TAF10: variants seen among roughly 807,000 people sequenced by gnomAD.
TAF10 encodes the protein transcription initiation factor TFIID subunit 10.
Under a neutral mutation model 18.1 loss-of-function variants are expected in TAF10, and 2 were observed. That is an observed-to-expected ratio of 0.11 (90% CI 0.05 to 0.35). The LOEUF (loss-of-function observed/expected upper bound fraction) is 0.35, where lower values mean the gene tolerates loss of function less well. TAF10 is among the 10% of genes least tolerant of loss of function. The pLI is 1.00. For synonymous variants in TAF10, 158 were observed against 134.6 expected (o/e 1.17, Z -1.20); for missense variants, 293 against 306.9 (o/e 0.95, Z 0.34).
Position 6,609,256 on chromosome 11 carries a change from G to A in TAF10, c.*1666C>T. ...TCCTCCAGTTAGTGGGCAAGGAAGTGGCAGCAACATTTCAAGCCTCCTAAC... is the reference window on the plus strand; with the variant it reads ...TCCTCCAGTTAGTGGGCAAGGAAGTAGCAGCAACATTTCAAGCCTCCTAAC... On this transcript the variant is annotated 3_prime_UTR_variant, in exon 5 of 5. Transcript: ENST00000299424. 4 of 1,603,744 alleles carry A rather than the reference G, an allele frequency of 2.5e-6. No individual in the cohort carries two copies. The highest frequency in any genetic ancestry group is 3.4e-6 in the Non-Finnish European group (4 of 1,170,648).
chr11:6,609,915 T>C lies in TAF10; in HGVS notation c.*1007A>G. 4 of 1,614,122 alleles carry C rather than the reference T, an allele frequency of 2.5e-6. No individual in the cohort carries two copies. Among genetic ancestry groups the C allele is most frequent in the Non-Finnish European group, 3.4e-6 (4 of 1,179,986 alleles). On this transcript the variant is annotated 3_prime_UTR_variant, in exon 5 of 5. Transcript: ENST00000299424. Reference sequence around the variant, plus strand: ...TGCCTATCTATGACTTACCTCCTTCTATCTGTTTTCTCTTCCTCAGATTGA... The same window carrying C: ...TGCCTATCTATGACTTACCTCCTTCCATCTGTTTTCTCTTCCTCAGATTGA...
Position 6,610,076 on chromosome 11 carries a change from C to T in TAF10, c.*846G>A, listed in dbSNP as rs1342224931. The T allele has an allele frequency of 1.9e-6, 3 of 1,613,782 alleles. No individual in the cohort carries two copies. Among genetic ancestry groups the T allele is most frequent in the Non-Finnish European group, 2.5e-6 (3 of 1,179,858 alleles). ...ATGTCGGGAGGTAAAAAAGGACCAC[C>T]TCAGAAGTAGTGGAAGGGGGCAGAG... On this transcript the variant is annotated 3_prime_UTR_variant, in exon 5 of 5. Coordinates refer to ENST00000299424, the MANE Select transcript of TAF10 (RefSeq NM_006284.4).
rs750249778 is a variant in TAF10, at chr11:6,609,930, C to T, written c.*992G>A. On this transcript the variant is annotated 3_prime_UTR_variant, in exon 5 of 5. Coordinates refer to ENST00000299424, the MANE Select transcript of TAF10 (RefSeq NM_006284.4). ...TACCTCCTTCTATCTGTTTTCTCTT[C>T]CTCAGATTGATGAGGACATGACTGC... is the stretch of plus-strand genomic sequence containing the variant. The T allele has an allele frequency of 7.4e-6, 12 of 1,614,140 alleles. No individual in the cohort carries two copies. In the Middle Eastern group the frequency reaches 8.2e-4, roughly 111 times the overall value.
In TAF10 at chr11:6,611,062, A is replaced by G. The variant is rs1445028643; in HGVS notation, c.568-51T>C. Reference sequence around the variant, plus strand: ...CTGAGCACAGGAATCCCGGACTTCAATCCCAGATGGGTGACCCTGAGTAAG... The same window carrying G: ...CTGAGCACAGGAATCCCGGACTTCAGTCCCAGATGGGTGACCCTGAGTAAG... On this transcript the variant is annotated intron_variant, in intron 4 of 4. Transcript: ENST00000299424. The G allele has an allele frequency of 3.7e-6, 6 of 1,605,458 alleles. No homozygotes were observed. In the East Asian group the frequency reaches 6.7e-5, roughly 18 times the overall value.
At chr11:6,611,330 G>A (rs1855453846) in intron 3 of TAF10, 27 bp from the exon 4 acceptor site, 1 of 1,614,036 alleles carries the variant, frequency 6.2e-7, no homozygotes, top group Non-Finnish European at 8.5e-7. Context: ...TAGATGAGAA[G>A]GAGATGGACA....
rs763356453 is a variant in TAF10, at chr11:6,609,822, G to A, written c.*1100C>T. ...ACTAGAGCCCCTCATCCCACGACAT[G>A]CACTCAATAGCCGTAGTGTAATGGT... On this transcript the variant is annotated 3_prime_UTR_variant, in exon 5 of 5. Transcript: ENST00000299424. The A allele has an allele frequency of 1.9e-6, 3 of 1,614,208 alleles. No individual in the cohort carries two copies. In the Admixed American group the frequency reaches 5.0e-5, roughly 27 times the overall value.
At position 6,608,657 on chromosome 11, in the gene TAF10, A is replaced by G; in HGVS notation, c.*2265T>C. On this transcript the variant is annotated 3_prime_UTR_variant, in exon 5 of 5. Coordinates refer to ENST00000299424, the MANE Select transcript of TAF10 (RefSeq NM_006284.4). The surrounding 1 kb of genome is among the most constrained non-coding windows in gnomAD (Gnocchi z 4.9). ...TTGGTTCAGTGACTGCCAGCGAGGT[A>G]GCAGTGGCTCTCATCATAATGGCCT... 2 of 1,525,730 alleles carry G rather than the reference A, an allele frequency of 1.3e-6. No homozygotes were observed. The highest frequency in any genetic ancestry group is 1.8e-6 in the Non-Finnish European group (2 of 1,099,202). 94.5% of individuals were successfully genotyped at this position (1,525,730 alleles called of 1,614,324 possible). A position where few individuals can be genotyped will look rare whatever the true frequency, so the allele number is the denominator to read the frequency against.
chr11:6,611,925 G>A, intron 1 of TAF10, 33 bp downstream of exon 1: 2 of 1,574,950 alleles, frequency 1.3e-6, no homozygotes, highest in African/African-American at 1.3e-5. Flanking sequence ...AGCCCAAGAC[G>A]CTTCCCTCGC....
Position 6,607,444 on chromosome 11 carries a change from C to G in TAF10, c.*3478G>C, listed in dbSNP as rs1855037543. 6.4e-6 allele frequency: 1 copy of G among 156,976 alleles called. No individual in the cohort carries two copies. The highest frequency in any genetic ancestry group is 1.8e-4 in the South Asian group (1 of 5,486). 9.7% of individuals were successfully genotyped at this position (156,976 alleles called of 1,614,324 possible). A position where few individuals can be genotyped will look rare whatever the true frequency, so the allele number is the denominator to read the frequency against. On this transcript the variant is annotated 3_prime_UTR_variant, in exon 5 of 5. Coordinates refer to ENST00000299424, the MANE Select transcript of TAF10 (RefSeq NM_006284.4). Reference sequence around the variant, plus strand: ...AGTAGTCAAAAGCATTTCTCCTTTTCAACATAAACCCTTCCAAAACATCAT... The same window carrying G: ...AGTAGTCAAAAGCATTTCTCCTTTTGAACATAAACCCTTCCAAAACATCAT...
intron 4 of TAF10, 67 bp from the exon 5 acceptor site, chr11:6,611,078 C>G: frequency 6.3e-7 from 1 of 1,596,738 alleles, no homozygotes; most frequent in East Asian, 2.2e-5. Context: ...GATGGGTGAC[C>G]CTGAGTAAGT....
chr11:6,611,892 T>G (rs960932959), intron 1 of TAF10, 66 bp downstream of exon 1: 1 of 1,559,506 alleles, frequency 6.4e-7, no homozygotes, highest in Non-Finnish European at 8.6e-7. Flanking sequence ...CTATACCCTC[T>G]GCCCTCACCC....
rs1206712510 is a variant in TAF10 at position 6,610,970 on chromosome 11, G to C, written c.609C>G (p.Ala203=). ...TCACATTGATGCCATACTCGCTGAG[G>C]GCAGGGGTCAAGTCCTCCATGGTTA... The part of the protein sequence containing the change: ...YTLTMEDLTP[A]LSEYGINVKK... Residue 203 remains alanine, a synonymous_variant, in exon 5 of 5, where the codon GCC becomes GCG. Coordinates refer to ENST00000299424, the MANE Select transcript of TAF10 (RefSeq NM_006284.4). 6.2e-7 allele frequency: 1 copy of C among 1,614,226 alleles called. No individual in the cohort carries two copies. The highest frequency in any genetic ancestry group is 1.1e-5 in the South Asian group (1 of 91,086).
rs1318258152 is a variant in TAF10, at chr11:6,611,693, A to G, written c.358T>C (p.Leu120=). The part of the protein sequence containing the change: ...VVSSTPLVDF[L]MQLEDYTPTI... ...GGCGTGTAATCTTCCAGCTGCATCA[A>G]GAAGTCCACCAAAGGCGTGCTGGAC... Residue 120 remains leucine, a synonymous_variant, in exon 2 of 5, where the codon TTG becomes CTG. Transcript: ENST00000299424. 6 of 1,604,708 alleles carry G rather than the reference A, an allele frequency of 3.7e-6. No homozygotes were observed. The highest frequency in any genetic ancestry group is 2.2e-5 in the East Asian group (1 of 44,796).
chr11:6,608,438 G>C lies in TAF10; in HGVS notation c.*2484C>G. 1 of 1,614,214 alleles carries C rather than the reference G, an allele frequency of 6.2e-7. No homozygotes were observed. The highest frequency in any genetic ancestry group is 8.5e-7 in the Non-Finnish European group (1 of 1,180,020). ...ACATCAATGCAGTGAATGAACACGGGAATGTGCCCCTGCACTATGCCTGTT... is the reference window on the plus strand; with the variant it reads ...ACATCAATGCAGTGAATGAACACGGCAATGTGCCCCTGCACTATGCCTGTT... On this transcript the variant is annotated 3_prime_UTR_variant, in exon 5 of 5. Coordinates refer to ENST00000299424, the MANE Select transcript of TAF10 (RefSeq NM_006284.4). This position sits in a 1 kb window ranked among gnomAD's most constrained non-coding sequence, Gnocchi z 4.9.
Position 6,610,288 on chromosome 11 carries a change from C to T in TAF10, c.*634G>A. On this transcript the variant is annotated 3_prime_UTR_variant, in exon 5 of 5. Transcript: ENST00000299424. ...GGAGATTGGAATGAAGGTGAGAGCA[C>T]AACAGCATACATTTGTGTTGCGGGA... 6.2e-7 allele frequency: 1 copy of T among 1,614,110 alleles called. No homozygotes were observed. Among genetic ancestry groups the T allele is most frequent in the Non-Finnish European group, 8.5e-7 (1 of 1,180,040 alleles).
rs992254824 is a variant in TAF10, at chr11:6,612,194, C to G, written c.-5G>C. ...GCCGGAGCCGCTGCAGCTCATCGGG[C>G]CGGTGGGAGAGGCGGCGAACAGAGC... On this transcript the variant is annotated 5_prime_UTR_variant, in exon 1 of 5. Transcript: ENST00000299424. 1 of 1,237,644 alleles carries G rather than the reference C, an allele frequency of 8.1e-7. No individual in the cohort carries two copies. Among genetic ancestry groups the G allele is most frequent in the Non-Finnish European group, 1.0e-6 (1 of 980,586 alleles). 76.7% of individuals were successfully genotyped at this position (1,237,644 alleles called of 1,614,324 possible). A position where few individuals can be genotyped will look rare whatever the true frequency, so the allele number is the denominator to read the frequency against.
rs972560845 is a variant in TAF10, at chr11:6,609,877, C to T, written c.*1045G>A. 6.8e-6 allele frequency: 11 copies of T among 1,614,044 alleles called. No individual in the cohort carries two copies. The Admixed American group carries it at 1.8e-4, about 27-fold the overall frequency. ...CCACAAGCTCACTCCTGGCCCAGGC[C>T]CCAAAAGCCCTTTGCCTATCTATGA... On this transcript the variant is annotated 3_prime_UTR_variant, in exon 5 of 5. Transcript: ENST00000299424.
Position 6,611,450 on chromosome 11 carries a change from G to A in TAF10, c.390C>T (p.Ile130=). The change falls in exon 3 of 5, where the codon ATC becomes ATT. Residue 130 remains isoleucine, a splice_region_variant and synonymous_variant. Coordinates refer to ENST00000299424, the MANE Select transcript of TAF10 (RefSeq NM_006284.4). ...LMQLEDYTPT[I]PDAVTGYYLN... ...GGTAGTAACCAGTCACTGCATCTGG[G>A]ATCTGAGAAATCAATTAAGAGAACT... 6.2e-7 allele frequency: 1 copy of A among 1,614,130 alleles called. No individual in the cohort carries two copies. Among genetic ancestry groups the A allele is most frequent in the South Asian group, 1.1e-5 (1 of 91,078 alleles).
chr11:6,609,018 T>C lies in TAF10; in HGVS notation c.*1904A>G. ...GTTGTAAAAGGAAATAATCCTGGCC[T>C]CTTGGGGCTGGGTTAGGGTGAAGCT... On this transcript the variant is annotated 3_prime_UTR_variant, in exon 5 of 5. Coordinates refer to ENST00000299424, the MANE Select transcript of TAF10 (RefSeq NM_006284.4). 1 of 1,612,438 alleles carries C rather than the reference T, an allele frequency of 6.2e-7. No individual in the cohort carries two copies. Among genetic ancestry groups the C allele is most frequent in the Non-Finnish European group, 8.5e-7 (1 of 1,178,444 alleles).
Sources: allele counts gnomAD v4.1 joint callset, GRCh38; gene constraint gnomAD v4.1.1; non-coding constraint Gnocchi (gnomAD v3.1); transcripts MANE v1.5; gene names NCBI Gene and HGNC (gene_info 2026-07-23, HGNC 2026-07-21).